The following BTBD2 variants were observed in gnomAD, a reference collection of about 807,000 sequenced individuals.
The protein encoded by BTBD2 is BTB domain containing 2.
BTBD2 carries 15 observed loss-of-function variants against 44.0 expected under a neutral mutation model. The ratio of observed to expected loss-of-function variants is 0.34; its 90% CI spans 0.23 to 0.53. The LOEUF is 0.53. Ranked by LOEUF, BTBD2 falls within the 20% of genes least tolerant of loss-of-function variation. The pLI is 0.95. For missense variants in BTBD2, 657 were observed against 746.4 expected, an observed-to-expected ratio of 0.88 and a Z score of 1.39; for synonymous variants, 443 against 335.9, an observed-to-expected ratio of 1.32 and a Z score of -3.49.
At position 1,990,829 on chromosome 19, in the gene BTBD2, A is replaced by G. The variant is rs1182247952; in HGVS notation, c.685-7T>C. The stretch of plus-strand genomic sequence containing the variant: ...GTTCATCGAAGAGTCGCGCCTGGCA[A>G]GAGACATCGACGGGGGGCGCGGTGG... On this transcript the variant is annotated splice_polypyrimidine_tract_variant and splice_region_variant and intron_variant, in intron 3 of 8. Coordinates refer to ENST00000255608, the MANE Select transcript of BTBD2 (RefSeq NM_017797.4). 1.3e-6 allele frequency: 2 copies of G among 1,552,110 alleles called. No homozygotes were observed. Among genetic ancestry groups the G allele is most frequent in the South Asian group, 1.2e-5 (1 of 84,612 alleles).
rs1420200304 is a variant in BTBD2 at position 1,987,788 on chromosome 19, C to T, written c.989-96G>A. ...CTCCTTCCCCCTAAGATGTCTGCGT[C>T]GGACTTTCAAGGTGCAGGGACCTGG... On this transcript the variant is annotated intron_variant, in intron 5 of 8. Transcript: ENST00000255608. 4.0e-5 allele frequency: 52 copies of T among 1,300,592 alleles called. 1 individual carries two copies. The highest frequency in any genetic ancestry group is 2.5e-4 in the Admixed American group (10 of 39,542). The allele number at this position is 1,300,592 out of a possible 1,614,324, so 80.6% of individuals were successfully genotyped here.
chr19:2,015,217 G>A, intron 1 of BTBD2, 80 bp downstream of exon 1: 1 of 1,445,564 alleles, frequency 6.9e-7, no homozygotes, highest in Non-Finnish European at 9.1e-7. Flanking sequence ...GGGGACAGAG[G>A]GGTGCAGGGC....
intron 1 of BTBD2, among the ~76,000 whole-genome samples, chr19:2,000,851 C>T (rs1333501862): frequency 1.3e-5 from 2 of 152,240 alleles, no homozygotes; most frequent in Non-Finnish European, 2.9e-5. Flanking sequence ...CAGCCACAAA[C>T]AGGAACGAGG....
intron 2 of BTBD2, among the ~76,000 whole-genome samples, chr19:1,996,190 C>G (rs2016249113): frequency 6.6e-6 from 1 of 152,186 alleles, no homozygotes; most frequent in African/African-American, 2.4e-5. Context: ...CAGTACCACA[C>G]TGTTTTGATG....
rs78446603 is a variant in BTBD2, at chr19:1,998,831, C to T, written c.408-1368G>A. Among the ~76,000 whole-genome samples, 105 of 152,130 alleles carry T rather than the reference C, an allele frequency of 6.9e-4. 2 individuals are homozygous for T. In the East Asian group the frequency reaches 0.017, roughly 24 times the overall value. On this transcript the variant is annotated intron_variant, in intron 1 of 8. Coordinates refer to ENST00000255608, the MANE Select transcript of BTBD2 (RefSeq NM_017797.4). ...GGTGGGGCGGGTTCACAGACGCTCG[C>T]GAAGTGGGATCACAGACGCTCGGCC...
chr19:2,000,601 C>T (rs1339185921), intron 1 of BTBD2, among the ~76,000 whole-genome samples: 4 of 152,176 alleles, frequency 2.6e-5, no homozygotes, highest in South Asian at 2.1e-4. Flanking sequence ...CTTCAGGATT[C>T]GACCCCTGGG....
In BTBD2 at chr19:2,012,207, C is replaced by T. The variant is rs528837565; in HGVS notation, c.407+3090G>A. ...TCACTGTGTCGCCTGGGCTGGAGTG[C>T]AATGGCGCAATCTCGGTTCCCTGCA... On this transcript the variant is annotated intron_variant, in intron 1 of 8. Coordinates refer to ENST00000255608, the MANE Select transcript of BTBD2 (RefSeq NM_017797.4). 6.2e-4 allele frequency among the ~76,000 whole-genome samples: 93 copies of T among 149,348 alleles called. 4 individuals carry two copies. The highest frequency in any genetic ancestry group is 1.4e-3 in the Admixed American group (21 of 14,906).
rs1599344372 is a variant in BTBD2, at chr19:1,986,333, C to T, written c.*155G>A. ...CACACTCGTGGTGAACACAGGGCAA[C>T]CCCGTCCTGATGCTGAGAAAGGTGG... is the stretch of plus-strand genomic sequence containing the variant. On this transcript the variant is annotated 3_prime_UTR_variant, in exon 9 of 9. Transcript: ENST00000255608. 2.1e-5 allele frequency: 21 copies of T among 986,306 alleles called. 1 individual carries two copies. In the South Asian group the frequency reaches 3.2e-4, roughly 15 times the overall value. 61.1% of individuals were successfully genotyped at this position (986,306 alleles called of 1,614,324 possible).
rs1373714179 is a variant in BTBD2 at position 1,993,084 on chromosome 19, G to T, written c.620C>A (p.Ala207Asp). 2 of 1,608,246 alleles carry T rather than the reference G, an allele frequency of 1.2e-6. No individual in the cohort carries two copies. Among genetic ancestry groups the T allele is most frequent in the African/African-American group, 1.3e-5 (1 of 74,910 alleles). Reference sequence around the variant, plus strand: ...CTTCTTCAGGAACTCCACGCAATGGGCCTCGAGCGCTGGCACCGCGTACTT... The same window carrying T: ...CTTCTTCAGGAACTCCACGCAATGGTCCTCGAGCGCTGGCACCGCGTACTT... ...AKKYAVPALE[A>D]HCVEFLKKNL... is the part of the protein sequence containing the mutation. Residue 207 changes from alanine (A) to aspartate (D), a missense_variant, in exon 3 of 9, where the codon GCC becomes GAC. Around this residue, in one of 3 missense-constraint regions of BTBD2, gnomAD observed 449 missense variants for 510.9 expected, o/e 0.88. Transcript: ENST00000255608.
intron 1 of BTBD2, among the ~76,000 whole-genome samples, chr19:2,010,998 C>A (rs905801610): frequency 6.6e-6 from 1 of 152,130 alleles, no homozygotes; most frequent in Non-Finnish European, 1.5e-5. Context: ...CCCATCGGGT[C>A]CGTTTGTTCC....
Position 1,986,372 on chromosome 19 carries a change from G to A in BTBD2, c.*116C>T. The A allele has an allele frequency of 1.5e-6, 2 of 1,311,322 alleles. No individual in the cohort carries two copies. Among genetic ancestry groups the A allele is most frequent in the Non-Finnish European group, 1.1e-6 (1 of 930,224 alleles). The allele number at this position is 1,311,322 out of a possible 1,614,324, so 81.2% of individuals were successfully genotyped here. On this transcript the variant is annotated 3_prime_UTR_variant, in exon 9 of 9. Transcript: ENST00000255608. ...TGAGAAAGGTGGCATGGAGTGGACAGACGGCCTGGGGGACACTGGGCCTGG... is the reference window on the plus strand; with the variant it reads ...TGAGAAAGGTGGCATGGAGTGGACAAACGGCCTGGGGGACACTGGGCCTGG...
intron 5 of BTBD2, chr19:1,989,718 G>T: frequency 4.3e-6 from 2 of 466,912 alleles, no homozygotes; most frequent in South Asian, 2.2e-5. Flanking sequence ...GTAGCACAAG[G>T]GCGCGAGACG....
intron 3 of BTBD2, 52 bp downstream of exon 3, chr19:1,992,968 C>T (rs2016200840): frequency 8.8e-7 from 1 of 1,134,890 alleles, no homozygotes; most frequent in East Asian, 3.8e-5. Context: ...CACCCCGGCC[C>T]CGCCTCCAGC....
Position 2,015,321 on chromosome 19 carries a change from CTGAGCCCCT to C in BTBD2, c.374_382del (p.Lys125_Leu127del). ...CCTGTGCGCGGGGATGCGCTGCGAG[CTGAGCCCCT>C]TGCCCACCAGGAAGTGCACGTCGCA... On this transcript the variant is annotated inframe_deletion, in exon 1 of 9. Coordinates refer to ENST00000255608, the MANE Select transcript of BTBD2 (RefSeq NM_017797.4). The C allele has an allele frequency of 6.4e-7, 1 of 1,574,180 alleles. No homozygotes were observed. Among genetic ancestry groups the C allele is most frequent in the South Asian group, 1.1e-5 (1 of 88,092 alleles).
chr19:2,004,178 T>TC (rs57769051), intron 1 of BTBD2, among the ~76,000 whole-genome samples: 30,962 of 151,668 alleles, frequency 0.2, 3,544 homozygotes, highest in East Asian at 0.31. Flanking sequence ...ATGTCTCATG[T>TC]CCCCTAACAT....
intron 1 of BTBD2, among the ~76,000 whole-genome samples, chr19:2,010,964 T>C (rs555797100): frequency 1.3e-5 from 2 of 152,152 alleles, no homozygotes; most frequent in Non-Finnish European, 2.9e-5. Context: ...TTCTCTCTGC[T>C]GTGTGGCCTG....
intron 1 of BTBD2, among the ~76,000 whole-genome samples, chr19:2,011,012 A>C (rs2016457694): frequency 6.6e-6 from 1 of 152,048 alleles, no homozygotes; most frequent in South Asian, 2.1e-4. Flanking sequence ...TTGTTCCCAC[A>C]GCCCCAGGAC....
Position 1,986,368 on chromosome 19 carries a change from G to T in BTBD2, c.*120C>A. The T allele has an allele frequency of 7.9e-7, 1 of 1,264,616 alleles. No individual in the cohort carries two copies. The highest frequency in any genetic ancestry group is 1.8e-5 in the Admixed American group (1 of 54,854). 78.3% of individuals were successfully genotyped at this position (1,264,616 alleles called of 1,614,324 possible). A position where few individuals can be genotyped will look rare whatever the true frequency, so the allele number is the denominator to read the frequency against. ...ATGCTGAGAAAGGTGGCATGGAGTG[G>T]ACAGACGGCCTGGGGGACACTGGGC... is the stretch of plus-strand genomic sequence containing the variant. On this transcript the variant is annotated 3_prime_UTR_variant, in exon 9 of 9. Coordinates refer to ENST00000255608, the MANE Select transcript of BTBD2 (RefSeq NM_017797.4).
At chr19:2,006,207 C>T (rs144306759) in intron 1 of BTBD2, among the ~76,000 whole-genome samples, 15 of 152,284 alleles carry the variant, frequency 9.9e-5, no homozygotes, top group East Asian at 9.6e-4. Context: ...TTCAACTCCT[C>T]GGTCACACTG....
Sources: allele counts gnomAD v4.1 joint callset (sites outside exome capture counted in the v4.1 genomes callset), GRCh38; gene constraint gnomAD v4.1.1; regional missense constraint gnomAD v4.1.1; transcripts MANE v1.5; gene names NCBI Gene and HGNC (gene_info 2026-07-23, HGNC 2026-07-21).